The following BICD1 variants were observed in gnomAD, a reference collection of about 807,000 sequenced individuals.
BICD1 encodes protein bicaudal D homolog 1.
BICD1 carries 35 observed loss-of-function variants against 92.5 expected under a neutral mutation model. The ratio of observed to expected loss-of-function variants is 0.38; its 90% CI spans 0.29 to 0.50. BICD1 has a LOEUF of 0.50. Ranked by LOEUF, BICD1 falls within the 20% of genes least tolerant of loss-of-function variation. BICD1 has a pLI of 0.93. For missense variants in BICD1, 950 were observed against 1,189.8 expected (o/e 0.80, Z 2.97); for synonymous variants, 429 against 465.1 (o/e 0.92, Z 1.00).
chr12:32,107,146 A>G lies in BICD1; in HGVS notation c.-186A>G. ...TGTTCTCCATGTTGCATTTCTCGTC[A>G]GTTTCTCGGGCGGTGTAGCTGCCGC... On this transcript the variant is annotated 5_prime_UTR_variant, in exon 1 of 10. Coordinates refer to ENST00000652176, the MANE Select transcript of BICD1 (RefSeq NM_001714.4). The G allele has an allele frequency of 1.6e-6, 1 of 621,026 alleles. No individual in the cohort carries two copies. Among genetic ancestry groups the G allele is most frequent in the Non-Finnish European group, 2.8e-6 (1 of 355,458 alleles). 38.5% of individuals were successfully genotyped at this position (621,026 alleles called of 1,614,324 possible). A position where few individuals can be genotyped will look rare whatever the true frequency, so the allele number is the denominator to read the frequency against.
chr12:32,137,239 C>T (rs1942763124), intron 1 of BICD1, among the ~76,000 whole-genome samples: 1 of 152,068 alleles, frequency 6.6e-6, no homozygotes, highest in Admixed American at 6.5e-5. Flanking sequence ...CAGGCATGCG[C>T]CACCACACCT....
At chr12:32,128,023 C>T (rs900036698) in intron 1 of BICD1, among the ~76,000 whole-genome samples, 1 of 152,040 alleles carries the variant, frequency 6.6e-6, no homozygotes, top group South Asian at 2.1e-4. Flanking sequence ...CCTGCCTCAG[C>T]CTCCTAGGTA....
At position 32,345,270 on chromosome 12, in the gene BICD1, G is replaced by A. The variant is rs541078147; in HGVS notation, c.2764+6291G>A. ...CCAGCGAGTGATGGAGTGAGACCCT[G>A]TCTCAGAAAAAAAAAAAAAAAGAAG... On this transcript the variant is annotated intron_variant, in intron 8 of 9. Coordinates refer to ENST00000652176, the MANE Select transcript of BICD1 (RefSeq NM_001714.4). Among the ~76,000 whole-genome samples the A allele has an allele frequency of 5.1e-3, 729 of 141,770 alleles. 11 individuals carry two copies. Among genetic ancestry groups the A allele is most frequent in the African/African-American group, 0.018 (681 of 37,682 alleles). 93.0% of individuals were successfully genotyped at this position (141,770 alleles called of 152,430 possible).
intron 1 of BICD1, among the ~76,000 whole-genome samples, chr12:32,203,993 A>G (rs1165679211): frequency 6.6e-6 from 1 of 152,222 alleles, no homozygotes; most frequent in Non-Finnish European, 1.5e-5. Context: ...TGACAAATTA[A>G]TAAAGGAAAA....
intron 1 of BICD1, among the ~76,000 whole-genome samples, chr12:32,156,874 T>G (rs1488114417): frequency 6.6e-6 from 1 of 152,200 alleles, no homozygotes; most frequent in Non-Finnish European, 1.5e-5. Context: ...CAAGAAACAT[T>G]CCAACTGTTT....
At chr12:32,278,271 A>G (rs1461425299) in intron 2 of BICD1, among the ~76,000 whole-genome samples, 1 of 152,214 alleles carries the variant, frequency 6.6e-6, no homozygotes, top group African/African-American at 2.4e-5. Context: ...CACCATGGAT[A>G]TTCATAGTTA....
intron 2 of BICD1, among the ~76,000 whole-genome samples, chr12:32,255,363 C>T (rs1300266212): frequency 6.6e-6 from 1 of 152,080 alleles, no homozygotes; most frequent in Non-Finnish European, 1.5e-5. Flanking sequence ...GGAACTCAAA[C>T]ATTCAGTTCA....
At chr12:32,302,769 C>A (rs1234084545) in intron 3 of BICD1, among the ~76,000 whole-genome samples, 1 of 151,588 alleles carries the variant, frequency 6.6e-6, no homozygotes, top group East Asian at 1.9e-4. Context: ...CATGGTAGAA[C>A]AATTAGCACT....
intron 1 of BICD1, among the ~76,000 whole-genome samples, chr12:32,181,334 C>T (rs939889854): frequency 3.3e-5 from 5 of 151,484 alleles, no homozygotes; most frequent in African/African-American, 4.8e-5. Flanking sequence ...GCAGGAGAAT[C>T]GCTTGGACCT....
At chr12:32,267,156 G>T (rs946770695) in intron 2 of BICD1, among the ~76,000 whole-genome samples, 4 of 152,170 alleles carry the variant, frequency 2.6e-5, no homozygotes, top group Non-Finnish European at 5.9e-5. Context: ...GCAATCGAAA[G>T]ATCACACACC....
intron 1 of BICD1, among the ~76,000 whole-genome samples, chr12:32,189,847 C>G (rs778410650): frequency 1.3e-5 from 2 of 151,870 alleles, no homozygotes; most frequent in Non-Finnish European, 2.9e-5. Context: ...TACAGGCACG[C>G]ACCACCATGC....
chr12:32,315,213 C>G (rs1204545287), intron 4 of BICD1, among the ~76,000 whole-genome samples: 1 of 152,208 alleles, frequency 6.6e-6, no homozygotes, highest in Non-Finnish European at 1.5e-5. Context: ...AAAGACTATT[C>G]TATTCTTTCT....
intron 1 of BICD1, among the ~76,000 whole-genome samples, chr12:32,181,962 A>G (rs1054019401): frequency 2.0e-5 from 3 of 152,014 alleles, no homozygotes; most frequent in African/African-American, 7.2e-5. Context: ...GAATTGTGAT[A>G]GTAATTGCTC....
At chr12:32,321,194 C>A (rs261904) in intron 4 of BICD1, among the ~76,000 whole-genome samples, 73,771 of 151,848 alleles carry the variant, frequency 0.49, 18,335 homozygotes, top group Middle Eastern at 0.56. Flanking sequence ...GGCGTGGTGG[C>A]ACGTCCCTGT....
intron 9 of BICD1, among the ~76,000 whole-genome samples, chr12:32,371,735 G>T (rs1364870011): frequency 6.6e-6 from 1 of 152,000 alleles, no homozygotes. Context: ...TTACAGGTGT[G>T]TGCCACCACA....
At chr12:32,204,755 C>T (rs941805468) in intron 1 of BICD1, among the ~76,000 whole-genome samples, 5 of 152,188 alleles carry the variant, frequency 3.3e-5, no homozygotes, top group Admixed American at 1.3e-4. Flanking sequence ...TGCCAAGATG[C>T]CCTGGGGAAC....
At chr12:32,108,508 C>T in intron 1 of BICD1, 1 of 497,160 alleles carries the variant, frequency 2.0e-6, no homozygotes, top group Non-Finnish European at 3.6e-6. Context: ...CAAATAACCA[C>T]TTACAAATTT....
intron 2 of BICD1, among the ~76,000 whole-genome samples, chr12:32,284,741 T>C (rs1451091690): frequency 6.6e-6 from 1 of 152,198 alleles, no homozygotes; most frequent in Non-Finnish European, 1.5e-5. Context: ...AAGTAGAATT[T>C]CCTGCGGAAT....
Position 32,328,108 on chromosome 12 carries a change from G to A in BICD1, c.1653G>A (p.Gly551=). ...TCACCCGCAGTGGCAGCCTGAAAGG[G>A]CCCGATGATCCCAGAGGACTTTTGT... The part of the protein sequence containing the change: ...SRVTRSGSLK[G]PDDPRGLLSP... The change falls in exon 5 of 10, where the codon GGG becomes GGA. Residue 551 remains glycine (G), a synonymous_variant. Coordinates refer to ENST00000652176, the MANE Select transcript of BICD1 (RefSeq NM_001714.4). The surrounding 1 kb of genome is among the most constrained non-coding windows in gnomAD (Gnocchi z 4.4). The A allele has an allele frequency of 1.2e-6, 2 of 1,614,138 alleles. No homozygotes were observed. Among genetic ancestry groups the A allele is most frequent in the Non-Finnish European group, 1.7e-6 (2 of 1,180,002 alleles).
Sources: allele counts gnomAD v4.1 joint callset (sites outside exome capture counted in the v4.1 genomes callset), GRCh38; gene constraint gnomAD v4.1.1; non-coding constraint Gnocchi (gnomAD v3.1); transcripts MANE v1.5; gene names NCBI Gene and HGNC (gene_info 2026-07-23, HGNC 2026-07-21).